Variants in LHX8 observed in about 807,000 individuals in gnomAD.
The protein encoded by LHX8 is LIM/homeobox protein Lhx8.
Under a neutral mutation model 40.3 loss-of-function variants are expected in LHX8, and 12 were observed. The ratio of observed to expected loss-of-function variants is 0.30; its 90% CI spans 0.19 to 0.48. The LOEUF is 0.48. LHX8 is among the 20% of genes least tolerant of loss of function. The probability of loss-of-function intolerance (pLI) is 0.99; values close to 1 mark genes in which losing one functional copy is unlikely to be tolerated. For synonymous variants in LHX8, 179 were observed against 162.0 expected, an observed-to-expected ratio of 1.10 and a Z score of -0.80; for missense variants, 344 against 433.7, an observed-to-expected ratio of 0.79 and a Z score of 1.84.
At chr1:75,189,563 C>CA in the LHX8 span, among the ~76,000 whole-genome samples, 1 of 151,600 alleles carries the variant, frequency 6.6e-6, no homozygotes. Flanking sequence ...GCTAATGAAA[C>CA]AAAAAAAGTC....
At chr1:75,149,207 A>G (rs1372848865) in intron 7 of LHX8, among the ~76,000 whole-genome samples, 6 of 152,210 alleles carry the variant, frequency 3.9e-5, no homozygotes, top group Non-Finnish European at 2.9e-5. Context: ...CAGGGAGAGG[A>G]ACTGGTGTGA....
At chr1:75,181,062 GC>G in the LHX8 span, among the ~76,000 whole-genome samples, 1 of 152,170 alleles carries the variant, frequency 6.6e-6, no homozygotes, top group Non-Finnish European at 1.5e-5. Flanking sequence ...AAATATTGCT[GC>G]TGATCCTTCC....
chr1:75,137,299 G>A (rs1232821102), intron 3 of LHX8, 38 bp downstream of exon 3: 12 of 1,598,446 alleles, frequency 7.5e-6, no homozygotes, highest in Admixed American at 3.3e-5. Flanking sequence ...CAAGGGGAGC[G>A]GGCTTAGCGT....
At chr1:75,166,012 G>T (rs1649024776), downstream of LHX8, among the ~76,000 whole-genome samples, 1 of 152,112 alleles carries the variant, frequency 6.6e-6, no homozygotes, top group Non-Finnish European at 1.5e-5. Context: ...TGAGATGAAT[G>T]GAAAAAAGAC....
chr1:75,175,190 C>A, the LHX8 span, among the ~76,000 whole-genome samples: 8 of 152,184 alleles, frequency 5.3e-5, no homozygotes, highest in Admixed American at 4.6e-4. Flanking sequence ...ATCACATTTT[C>A]TTTATCCACT....
At chr1:75,172,124 TC>T in the LHX8 span, among the ~76,000 whole-genome samples, 14 of 152,284 alleles carry the variant, frequency 9.2e-5, no homozygotes, top group East Asian at 2.7e-3. Context: ...ATACTTCAAT[TC>T]CATTTTAATA....
chr1:75,144,895 T>G (rs1648419834), intron 6 of LHX8, among the ~76,000 whole-genome samples: 1 of 152,168 alleles, frequency 6.6e-6, no homozygotes, highest in Non-Finnish European at 1.5e-5. Flanking sequence ...TTCTAAGACC[T>G]GCCAGTATTT....
chr1:75,129,179 T>A (rs528834325), intron 1 of LHX8, among the ~76,000 whole-genome samples: 4 of 152,350 alleles, frequency 2.6e-5, no homozygotes, highest in Admixed American at 2.6e-4. Flanking sequence ...GTTAAAAATT[T>A]AAATTGCTCA....
At chr1:75,135,308 G>A (rs1435989738) in intron 1 of LHX8, among the ~76,000 whole-genome samples, 1 of 152,254 alleles carries the variant, frequency 6.6e-6, no homozygotes, top group Non-Finnish European at 1.5e-5. Flanking sequence ...ATCATCTGCA[G>A]CCTGTCTGAG....
intron 3 of LHX8, among the ~76,000 whole-genome samples, chr1:75,139,629 C>T (rs1331096000): frequency 2.0e-5 from 3 of 151,996 alleles, no homozygotes; most frequent in Non-Finnish European, 4.4e-5. Flanking sequence ...ATTATTTATT[C>T]AGATTTCCTC....
chr1:75,175,743 T>C, the LHX8 span, among the ~76,000 whole-genome samples: 1 of 152,158 alleles, frequency 6.6e-6, no homozygotes, highest in African/African-American at 2.4e-5. Context: ...TACATATGTA[T>C]ACATGTTCTG....
At chr1:75,136,224 C>A (rs1332106027) in intron 1 of LHX8, among the ~76,000 whole-genome samples, 1 of 151,840 alleles carries the variant, frequency 6.6e-6, no homozygotes, top group Non-Finnish European at 1.5e-5. Flanking sequence ...CCCCGCACCC[C>A]CTTTAGCCCG....
chr1:75,129,675 A>G (rs963494922), upstream of LHX8, among the ~76,000 whole-genome samples: 2 of 152,156 alleles, frequency 1.3e-5, no homozygotes, highest in African/African-American at 4.8e-5. Flanking sequence ...CGAGAAAACC[A>G]TCTGGTTTTT....
intron 7 of LHX8, 71 bp downstream of exon 7, chr1:75,148,753 G>C (rs560748975): frequency 1.2e-5 from 13 of 1,044,094 alleles, no homozygotes; most frequent in Non-Finnish European, 1.9e-5. Flanking sequence ...ATGTTGCCCA[G>C]ACTGATCTTG....
At position 75,160,811 on chromosome 1, in the gene LHX8, T is replaced by C. The variant is rs754323179; in HGVS notation, c.965-8T>C. On this transcript the variant is annotated splice_region_variant and splice_polypyrimidine_tract_variant and intron_variant, in intron 8 of 8. Transcript: ENST00000356261. ...AAACTGATCCACAAATTTCTTTCTA[T>C]TTTGTAGCTCATTCACCAACAACTC... 1.2e-6 allele frequency: 2 copies of C among 1,602,682 alleles called. No individual in the cohort carries two copies. The highest frequency in any genetic ancestry group is 1.7e-6 in the Non-Finnish European group (2 of 1,169,720).
At chr1:75,169,772 C>A in the LHX8 span, among the ~76,000 whole-genome samples, 1 of 152,208 alleles carries the variant, frequency 6.6e-6, no homozygotes, top group East Asian at 1.9e-4. Flanking sequence ...AAAATTTATT[C>A]CCCAGAAGCC....
chr1:75,137,001 G>A, intron 2 of LHX8, 99 bp from the exon 3 acceptor site: 3 of 1,375,654 alleles, frequency 2.2e-6, no homozygotes, highest in Non-Finnish European at 2.9e-6. Context: ...GGGTGGCCAG[G>A]GGGAAGGGAG....
downstream of LHX8, among the ~76,000 whole-genome samples, chr1:75,164,941 G>C (rs1557498510): frequency 6.6e-6 from 1 of 152,054 alleles, no homozygotes; most frequent in Non-Finnish European, 1.5e-5. Flanking sequence ...CCAAAGTGCT[G>C]AGATTATAGG....
At chr1:75,177,881 T>C in the LHX8 span, among the ~76,000 whole-genome samples, 3 of 152,214 alleles carry the variant, frequency 2.0e-5, no homozygotes, top group Non-Finnish European at 4.4e-5. Flanking sequence ...GTTTTTAGGA[T>C]GAATGGCTGT....
Sources: gnomAD v4.1 joint callset for allele counts (sites outside exome capture counted in the v4.1 genomes callset) on GRCh38, gnomAD v4.1.1 for gene constraint, MANE v1.5 for transcripts, NCBI Gene and HGNC (gene_info 2026-07-23, HGNC 2026-07-21) for gene names.